Variants in MTOR observed in about 807,000 individuals in gnomAD.
The protein encoded by MTOR is serine/threonine-protein kinase mTOR.
A neutral mutation model predicts 319.8 loss-of-function variants in MTOR; 70 were observed. That is an observed-to-expected ratio of 0.22 (90% CI 0.18 to 0.27). MTOR has a LOEUF of 0.27. MTOR is among the 10% of genes least tolerant of loss of function. The pLI, the probability that MTOR is intolerant of heterozygous loss-of-function variation, is 1.00. For synonymous variants in MTOR, 1,183 were observed against 1,211.4 expected (o/e 0.98, Z 0.49); for missense variants, 1,890 against 3,274.4 (o/e 0.58, Z 10.32).
At chr1:11,250,957 T>C (rs1649590155) in intron 6 of MTOR, among the ~76,000 whole-genome samples, 1 of 152,224 alleles carries the variant, frequency 6.6e-6, no homozygotes, top group Admixed American at 6.5e-5. Context: ...GCTCCCACTG[T>C]GGTCTGAGCC....
chr1:11,237,879 G>T lies in MTOR; in HGVS notation c.2172C>A (p.Ala724=). ...TCTTGCGCAGGAAAGGCATGACAAA[G>T]GCAGGGTTCATGCTACTGAGTCGGC... ...TVGRLSSMNP[A]FVMPFLRKML... Residue 724 remains alanine, a synonymous_variant, in exon 13 of 58, where the codon GCC becomes GCA. Coordinates refer to ENST00000361445, the MANE Select transcript of MTOR (RefSeq NM_004958.4). 1 of 1,614,110 alleles carries T rather than the reference G, an allele frequency of 6.2e-7. No individual in the cohort carries two copies.
At position 11,144,789 on chromosome 1, in the gene MTOR, C is replaced by T. The variant is rs778092695; in HGVS notation, c.4765-34G>A. On this transcript the variant is annotated intron_variant, in intron 33 of 57. Transcript: ENST00000361445. ...AGCAAATCGCATTCCAAACTAATTA[C>T]TGCACGAACAATCCAAAAGACAGGA... 16 of 1,589,850 alleles carry T rather than the reference C, an allele frequency of 1.0e-5. No homozygotes were observed. In the African/African-American group the frequency reaches 1.3e-4, roughly 13 times the overall value.
In MTOR at chr1:11,139,354, G is replaced by A. The variant is rs373881875; in HGVS notation, c.5080C>T (p.Pro1694Ser). 6.2e-7 allele frequency: 1 copy of A among 1,613,456 alleles called. No homozygotes were observed. Among genetic ancestry groups the A allele is most frequent in the South Asian group, 1.1e-5 (1 of 91,026 alleles). ...TTCATGTAGGCATAGGTCACCTGAG[G>A]GTGAACTGTTGGCAGAGGATGGTCA... is the stretch of plus-strand genomic sequence containing the variant. The part of the protein sequence containing the change: ...QLDHPLPTVH[P>S]QVTYAYMKNM... The change falls in exon 36 of 58, where the codon CCT becomes TCT. Residue 1694 changes from proline to serine, a missense_variant. This residue lies in a region of MTOR where 276 missense variants were observed against 459.4 expected (regional missense o/e 0.60). Coordinates refer to ENST00000361445, the MANE Select transcript of MTOR (RefSeq NM_004958.4).
chr1:11,216,351 T>G (rs1646470414), intron 19 of MTOR, 117 bp from the exon 20 acceptor site: 7 of 675,988 alleles, frequency 1.0e-5, no homozygotes, highest in Non-Finnish European at 2.6e-6. Context: ...CACACTACAC[T>G]ATCTACTGAG....
At position 11,157,156 on chromosome 1, in the gene MTOR, C is replaced by T. The variant is rs2100566828; in HGVS notation, c.4465G>A (p.Glu1489Lys). The change falls in exon 30 of 58, where the codon GAA becomes AAA. Residue 1489 changes from glutamate to lysine, a missense_variant. This residue lies in a region of MTOR where 276 missense variants were observed against 459.4 expected (regional missense o/e 0.60). Coordinates refer to ENST00000361445, the MANE Select transcript of MTOR (RefSeq NM_004958.4). Reference sequence around the variant, plus strand: ...CCATCATTCTAGGAAGCTCACCATTCCCCCAAGGCCTCGAGGCAGCGCATG... The same window carrying T: ...CCATCATTCTAGGAAGCTCACCATTTCCCCAAGGCCTCGAGGCAGCGCATG... ...GRMRCLEALGEWGQLHQQCCE... is the reference protein window; with the variant it reads ...GRMRCLEALGKWGQLHQQCCE... 1 of 1,602,294 alleles carries T rather than the reference C, an allele frequency of 6.2e-7. No homozygotes were observed. Among genetic ancestry groups the T allele is most frequent in the Non-Finnish European group, 8.5e-7 (1 of 1,175,186 alleles).
chr1:11,256,838 T>C, intron 4 of MTOR, 95 bp downstream of exon 4: 1 of 1,255,256 alleles, frequency 8.0e-7, no homozygotes, highest in Middle Eastern at 2.2e-4. Flanking sequence ...TCTAACCAGC[T>C]TTTTTAAGGA....
At chr1:11,150,614 C>T (rs913739080) in intron 30 of MTOR, among the ~76,000 whole-genome samples, 3 of 152,170 alleles carry the variant, frequency 2.0e-5, no homozygotes, top group African/African-American at 7.2e-5. Flanking sequence ...GGGCTCAAAG[C>T]TATAGGGAGA....
intron 30 of MTOR, among the ~76,000 whole-genome samples, chr1:11,153,866 C>G (rs1466560150): frequency 6.6e-6 from 1 of 151,722 alleles, no homozygotes; most frequent in Non-Finnish European, 1.5e-5. Context: ...GTTGGGAGTT[C>G]AAGACCAGCC....
At chr1:11,110,712 T>C (rs1327838345) in intron 54 of MTOR, among the ~76,000 whole-genome samples, 3 of 152,178 alleles carry the variant, frequency 2.0e-5, no homozygotes, top group South Asian at 2.1e-4. Context: ...TATACTTCTA[T>C]TAATGATCCA....
At chr1:11,221,106 T>C (rs538157203) in intron 19 of MTOR, among the ~76,000 whole-genome samples, 1 of 152,226 alleles carries the variant, frequency 6.6e-6, no homozygotes, top group Non-Finnish European at 1.5e-5. Context: ...GAAATTCTCC[T>C]GCCTCAGTCT....
At chr1:11,111,459 T>C in intron 54 of MTOR, 1 of 146,776 alleles carries the variant, frequency 6.8e-6, no homozygotes, top group Non-Finnish European at 1.4e-5. Flanking sequence ...CCAGCCTGGG[T>C]GACAAAGCGA....
Position 11,242,008 on chromosome 1 carries a change from G to A in MTOR, c.1413-327C>T, listed in dbSNP as rs11121706. ...GAGAGCTGAACAATGTGTTCATCAG[G>A]GACAAGAAGGCAGTACACAGCCATC... On this transcript the variant is annotated intron_variant, in intron 9 of 57. Transcript: ENST00000361445. Among the ~76,000 whole-genome samples the A allele has an allele frequency of 0.61, 92,985 of 152,016 alleles. 31,500 individuals are homozygous for A. Among genetic ancestry groups the A allele is most frequent in the East Asian group, 0.87 (4,480 of 5,166 alleles).
intron 28 of MTOR, among the ~76,000 whole-genome samples, chr1:11,170,405 A>G (rs1384143697): frequency 6.6e-6 from 1 of 151,596 alleles, no homozygotes; most frequent in Non-Finnish European, 1.5e-5. Context: ...TTTTGGAAGC[A>G]TAAGAAAACA....
rs1646212126 is a variant in MTOR, at chr1:11,208,531, TA to T, written c.3801+780del. ...GCTGCACATGGAGTGAGATGGCTAA[TA>T]GATGAAAAATAACACTGAAATCTAA... On this transcript the variant is annotated intron_variant, in intron 25 of 57. Transcript: ENST00000361445. Among the ~76,000 whole-genome samples the T allele has an allele frequency of 2.6e-5, 4 of 152,352 alleles. No homozygotes were observed. The East Asian group carries it at 7.7e-4, about 29-fold the overall frequency.
chr1:11,125,767 C>T (rs1420938010), intron 46 of MTOR, among the ~76,000 whole-genome samples: 7 of 146,602 alleles, frequency 4.8e-5, no homozygotes, highest in African/African-American at 7.6e-5. Flanking sequence ...GGTGGCTGGG[C>T]GCAGTGGTTC....
Position 11,109,411 on chromosome 1 carries a change from C to T in MTOR, c.7448-41G>A, listed in dbSNP as rs1641743873. 4.4e-6 allele frequency: 7 copies of T among 1,583,642 alleles called. No individual in the cohort carries two copies. The highest frequency in any genetic ancestry group is 5.2e-6 in the Non-Finnish European group (6 of 1,153,992). Reference sequence around the variant, plus strand: ...GTAGAAATAACTGTAAGAATGGGAGCAATACAACAGGTTCAATGGGTGCCC... The same window carrying T: ...GTAGAAATAACTGTAAGAATGGGAGTAATACAACAGGTTCAATGGGTGCCC... On this transcript the variant is annotated intron_variant, in intron 55 of 57. Coordinates refer to ENST00000361445, the MANE Select transcript of MTOR (RefSeq NM_004958.4). The surrounding 1 kb of genome is among the most constrained non-coding windows in gnomAD (Gnocchi z 4.0).
At chr1:11,258,291 G>T (rs1650688594) in intron 3 of MTOR, among the ~76,000 whole-genome samples, 194 bp downstream of exon 3, 2 of 152,178 alleles carry the variant, frequency 1.3e-5, no homozygotes. Flanking sequence ...GTCACTCGAT[G>T]GTTCCGAGAC....
chr1:11,259,920 A>G (rs768969471), intron 1 of MTOR, among the ~76,000 whole-genome samples: 1 of 152,174 alleles, frequency 6.6e-6, no homozygotes, highest in Non-Finnish European at 1.5e-5. Context: ...AAACAAACGA[A>G]AACAAAAACA....
intron 28 of MTOR, among the ~76,000 whole-genome samples, chr1:11,192,027 T>C (rs951123600): frequency 2.0e-4 from 30 of 152,196 alleles, no homozygotes; most frequent in African/African-American, 7.0e-4. Flanking sequence ...AAACCACCTG[T>C]TGGAACGTCC....
Sources: allele counts gnomAD v4.1 joint callset (sites outside exome capture counted in the v4.1 genomes callset), GRCh38; gene constraint gnomAD v4.1.1; regional missense constraint gnomAD v4.1.1; non-coding constraint Gnocchi (gnomAD v3.1); transcripts MANE v1.5; gene names NCBI Gene and HGNC (gene_info 2026-07-23, HGNC 2026-07-21).